DKK2: variants seen among roughly 807,000 people sequenced by gnomAD.
DKK2 encodes the protein dickkopf-related protein 2.
DKK2 carries 11 observed loss-of-function variants against 28.1 expected under a neutral mutation model. The observed-to-expected ratio is 0.39, with a 90% CI of 0.25 to 0.65. The LOEUF (loss-of-function observed/expected upper bound fraction) is 0.65. Ranked by LOEUF, DKK2 falls within the 30% of genes least tolerant of loss-of-function variation. The pLI, the probability that DKK2 is intolerant of heterozygous loss-of-function variation, is 0.47. For synonymous variants in DKK2, 135 were observed against 126.5 expected (o/e 1.07, Z -0.45); for missense variants, 326 against 335.5 (o/e 0.97, Z 0.22).
rs1216760220 is a variant in DKK2 at position 106,924,848 on chromosome 4, T to C, written c.374-148A>G. 7 of 823,218 alleles carry C rather than the reference T, an allele frequency of 8.5e-6. No homozygotes were observed. The African/African-American group carries it at 8.8e-5, about 10-fold the overall frequency. The allele number at this position is 823,218 out of a possible 1,614,324, so 51.0% of individuals were successfully genotyped here. A position where few individuals can be genotyped will look rare whatever the true frequency, so the allele number is the denominator to read the frequency against. ...ACCCATCCATTCATTTACTTATTTA[T>C]TGAGACTGAGCATACTTTGGCCCTA... On this transcript the variant is annotated intron_variant, in intron 2 of 3. Transcript: ENST00000285311.
chr4:107,030,479 C>G (rs921542616), intron 1 of DKK2, among the ~76,000 whole-genome samples: 2 of 151,810 alleles, frequency 1.3e-5, no homozygotes, highest in African/African-American at 4.8e-5. Context: ...AAAAAAAGGA[C>G]GTAGTAAGGG....
chr4:106,927,589 T>G (rs1374307434), intron 1 of DKK2, among the ~76,000 whole-genome samples: 2 of 152,154 alleles, frequency 1.3e-5, no homozygotes, highest in Admixed American at 1.3e-4. Context: ...ATTGTTCCAC[T>G]CTGTAACTCC....
intron 1 of DKK2, among the ~76,000 whole-genome samples, chr4:107,032,947 A>C (rs1723896284): frequency 6.6e-6 from 1 of 152,314 alleles, no homozygotes; most frequent in South Asian, 2.1e-4. Context: ...GAAAATAATA[A>C]TACTAAGAAT....
At chr4:106,996,869 G>A (rs1723279180) in intron 1 of DKK2, among the ~76,000 whole-genome samples, 2 of 152,062 alleles carry the variant, frequency 1.3e-5, no homozygotes, top group Non-Finnish European at 2.9e-5. Flanking sequence ...ATAAATCATT[G>A]AGATGAGCAG....
At chr4:106,987,832 T>C (rs1723144163) in intron 1 of DKK2, among the ~76,000 whole-genome samples, 1 of 151,732 alleles carries the variant, frequency 6.6e-6, no homozygotes, top group Non-Finnish European at 1.5e-5. Flanking sequence ...TTCTTGCACC[T>C]GAAAAACCCT....
At chr4:106,995,846 C>T (rs951528923) in intron 1 of DKK2, among the ~76,000 whole-genome samples, 21 of 152,140 alleles carry the variant, frequency 1.4e-4, no homozygotes, top group African/African-American at 4.8e-4. Flanking sequence ...CTCCTGACCT[C>T]GTGATCCACC....
intron 1 of DKK2, among the ~76,000 whole-genome samples, chr4:106,962,187 A>G (rs376562141): frequency 6.6e-6 from 1 of 152,208 alleles, no homozygotes. Flanking sequence ...AGTAGAAATT[A>G]CAGATTCGTC....
Position 106,923,629 on chromosome 4 carries a change from A to C in DKK2, c.*325T>G, listed in dbSNP as rs1227796600. 1 of 235,414 alleles carries C rather than the reference A, an allele frequency of 4.2e-6. No individual in the cohort carries two copies. The highest frequency in any genetic ancestry group is 8.4e-6 in the Non-Finnish European group (1 of 118,782). 14.6% of individuals were successfully genotyped at this position (235,414 alleles called of 1,614,324 possible). Reference sequence around the variant, plus strand: ...ATCTGAAGGAAACCTCTCCTCCAGCACAACCTAAACTCTTGGAAAGTCACA... The same window carrying C: ...ATCTGAAGGAAACCTCTCCTCCAGCCCAACCTAAACTCTTGGAAAGTCACA... On this transcript the variant is annotated 3_prime_UTR_variant, in exon 4 of 4. Coordinates refer to ENST00000285311, the MANE Select transcript of DKK2 (RefSeq NM_014421.3).
At chr4:106,934,682 T>G (rs1306594676) in intron 1 of DKK2, among the ~76,000 whole-genome samples, 5 of 152,226 alleles carry the variant, frequency 3.3e-5, no homozygotes, top group Non-Finnish European at 7.3e-5. Flanking sequence ...CCTCTAGGAA[T>G]TAAGCCAGAT....
intron 1 of DKK2, among the ~76,000 whole-genome samples, chr4:106,992,696 T>C (rs952166630): frequency 3.9e-5 from 6 of 152,150 alleles, no homozygotes; most frequent in Non-Finnish European, 8.8e-5. Context: ...AATAGAGAAA[T>C]CTCATTCAGT....
At chr4:106,960,537 T>A (rs1199930202) in intron 1 of DKK2, among the ~76,000 whole-genome samples, 1 of 152,046 alleles carries the variant, frequency 6.6e-6, no homozygotes, top group Non-Finnish European at 1.5e-5. Flanking sequence ...TTTATCCATA[T>A]AACCAAAAAC....
chr4:107,017,639 G>GAA (rs542470290), intron 1 of DKK2, among the ~76,000 whole-genome samples: 1 of 147,104 alleles, frequency 6.8e-6, no homozygotes, highest in African/African-American at 2.5e-5. Flanking sequence ...TTGCTTTCTT[G>GAA]AAAAAAAAAA....
chr4:106,985,979 C>T, intron 1 of DKK2, among the ~76,000 whole-genome samples: 1 of 152,122 alleles, frequency 6.6e-6, no homozygotes, highest in Non-Finnish European at 1.5e-5. Context: ...CACCAGGAAA[C>T]CTTTCAGATC....
rs1308487149 is a variant in DKK2 at position 106,927,970 on chromosome 4, TGG to T, written c.223-2023_223-2022del. Among the ~76,000 whole-genome samples the T allele has an allele frequency of 2.0e-5, 3 of 152,302 alleles. No individual in the cohort carries two copies. The East Asian group carries it at 5.8e-4, about 29-fold the overall frequency. On this transcript the variant is annotated intron_variant, in intron 1 of 3. Transcript: ENST00000285311. ...AGCCATTCTGAGTATAGGATAATCC[TGG>T]ATTCCATCCCCCCAAAATAGTCCAC...
intron 1 of DKK2, among the ~76,000 whole-genome samples, chr4:106,943,559 A>G (rs1190473127): frequency 6.6e-6 from 1 of 152,128 alleles, no homozygotes; most frequent in African/African-American, 2.4e-5. Context: ...TAACCTATAC[A>G]GTATAGAGGG....
At chr4:106,989,385 T>C (rs1330203344) in intron 1 of DKK2, among the ~76,000 whole-genome samples, 1 of 152,218 alleles carries the variant, frequency 6.6e-6, no homozygotes, top group Non-Finnish European at 1.5e-5. Context: ...AATTTCTTCA[T>C]GCCTCAGTTT....
chr4:106,983,673 G>A (rs1723068235), intron 1 of DKK2, among the ~76,000 whole-genome samples: 2 of 152,148 alleles, frequency 1.3e-5, no homozygotes, highest in South Asian at 4.1e-4. Flanking sequence ...TAAAGGACAA[G>A]TGGCAGACTA....
chr4:107,015,130 C>A (rs977623816), intron 1 of DKK2, among the ~76,000 whole-genome samples: 1 of 151,348 alleles, frequency 6.6e-6, no homozygotes, highest in Non-Finnish European at 1.5e-5. Context: ...ATATGAATAT[C>A]CAGAATTATA....
At chr4:106,999,522 T>A (rs1723326773) in intron 1 of DKK2, among the ~76,000 whole-genome samples, 1 of 152,058 alleles carries the variant, frequency 6.6e-6, no homozygotes, top group Admixed American at 6.6e-5. Context: ...AATTTTTGTA[T>A]TTTTAGTAGA....
Sources: gnomAD v4.1 joint callset for allele counts (sites outside exome capture counted in the v4.1 genomes callset) on GRCh38, gnomAD v4.1.1 for gene constraint, MANE v1.5 for transcripts, NCBI Gene and HGNC (gene_info 2026-07-23, HGNC 2026-07-21) for gene names.